PER3: variants seen among roughly 807,000 people sequenced by gnomAD.
PER3 encodes the protein period circadian regulator 3.
A neutral mutation model predicts 127.2 loss-of-function variants in PER3; 107 were observed. That is an observed-to-expected ratio of 0.84 (90% CI 0.72 to 0.99). PER3 has a LOEUF of 0.99. Among genes scored for constraint, PER3 ranks in the 50% least tolerant of loss-of-function variants. The pLI is 0.00. For missense variants in PER3, 1,560 were observed against 1,525.8 expected, an observed-to-expected ratio of 1.02 and a Z score of -0.37; for synonymous variants, 618 against 585.8, an observed-to-expected ratio of 1.05 and a Z score of -0.79.
At chr1:7,830,442 C>T (rs761286972) in intron 19 of PER3, among the ~76,000 whole-genome samples, 1 of 152,200 alleles carries the variant, frequency 6.6e-6, no homozygotes, top group Admixed American at 6.5e-5. Flanking sequence ...TTCTGTGACC[C>T]TCACCAGTCC....
At chr1:7,790,608 C>T (rs534273918) in intron 5 of PER3, among the ~76,000 whole-genome samples, 57 of 152,300 alleles carry the variant, frequency 3.7e-4, no homozygotes, top group African/African-American at 1.3e-3. Flanking sequence ...CATGCTTTTC[C>T]AACAGTCCCC....
chr1:7,805,860 A>G (rs544869812), intron 10 of PER3, among the ~76,000 whole-genome samples: 2 of 152,366 alleles, frequency 1.3e-5, no homozygotes, highest in South Asian at 4.1e-4. Context: ...ATTATGCAAC[A>G]TATAATGAAT....
intron 12 of PER3, 32 bp from the exon 13 acceptor site, chr1:7,810,406 T>C: frequency 6.6e-7 from 1 of 1,503,978 alleles, no homozygotes. Flanking sequence ...TTTATAATTT[T>C]TGAAACATAT....
Position 7,785,486 on chromosome 1 carries a change from T to A in PER3, c.174T>A (p.Val58=). ...RNRVSEELIM[V]VQEMKKYFPS... ...GAGTTTCTGAAGAACTTATCATGGT[T>A]GTCCAAGAAATGAAAAAATACTTCC... The change falls in exon 3 of 22, where the codon GTT becomes GTA. Residue 58 remains valine, a synonymous_variant. Coordinates refer to ENST00000377532, the MANE Select transcript of PER3 (RefSeq NM_001377275.1). 6.2e-7 allele frequency: 1 copy of A among 1,612,516 alleles called. No individual in the cohort carries two copies. Among genetic ancestry groups the A allele is most frequent in the Non-Finnish European group, 8.5e-7 (1 of 1,178,510 alleles).
At chr1:7,789,140 A>T (rs1158640658) in intron 5 of PER3, among the ~76,000 whole-genome samples, 3 of 133,236 alleles carry the variant, frequency 2.3e-5, no homozygotes, top group South Asian at 2.5e-4. Flanking sequence ...AGAGCTTTAA[A>T]ATATATATAT....
intron 16 of PER3, among the ~76,000 whole-genome samples, chr1:7,823,422 C>G (rs2097286779): frequency 6.6e-6 from 1 of 152,106 alleles, no homozygotes. Flanking sequence ...GCGGGCGGAT[C>G]ACCTGAGGTC....
chr1:7,787,377 G>T, intron 4 of PER3: 2 of 309,250 alleles, frequency 6.5e-6, no homozygotes, highest in South Asian at 2.8e-5. Context: ...CTTATTTTAA[G>T]TAACATAATT....
intron 19 of PER3, 44 bp downstream of exon 19, chr1:7,830,205 C>A (rs749958893): frequency 1.3e-6 from 2 of 1,501,068 alleles, no homozygotes; most frequent in Admixed American, 1.7e-5. Context: ...CAATGCCAGA[C>A]ATTCACTATG....
In PER3 at chr1:7,788,126, A is replaced by C; in HGVS notation, c.472A>C (p.Lys158Gln). Residue 158 changes from lysine (K) to glutamine (Q), a missense_variant, in exon 5 of 22, where the codon AAG (lysine) becomes CAG (glutamine). By Grantham distance (53) the Lys-to-Gln change is moderately conservative. Around this residue, in one of 3 missense-constraint regions of PER3, gnomAD observed 1,332 missense variants for 1,223.6 expected, o/e 1.09. Coordinates refer to ENST00000377532, the MANE Select transcript of PER3 (RefSeq NM_001377275.1). ...SEQAALILNR[K>Q]KDVLASSHFV... is the part of the protein sequence containing the mutation. ...ACAGGCTGCTTTGATCCTGAATCGT[A>C]AGAAAGATGTCCTGGCGTCTTCTCA... The C allele has an allele frequency of 6.2e-7, 1 of 1,613,956 alleles. No individual in the cohort carries two copies. The highest frequency in any genetic ancestry group is 8.5e-7 in the Non-Finnish European group (1 of 1,179,818).
chr1:7,803,705 AG>A lies in PER3; in HGVS notation c.996del (p.His333IlefsTer29). ...TATTTTATATAGTTTTGAAGTATGC[AG>A]GGCATCCTCCCTTTGAACATTCTCC... ...AIHQKVLKYA[G>X]HPPFEHSPIR... On this transcript the variant is annotated frameshift_variant, in exon 10 of 22. Transcript: ENST00000377532. LOFTEE classifies it high-confidence loss of function. 3 of 1,599,614 alleles carry A rather than the reference AG, an allele frequency of 1.9e-6. No individual in the cohort carries two copies. The highest frequency in any genetic ancestry group is 2.6e-6 in the Non-Finnish European group (3 of 1,167,334).
chr1:7,834,880 A>C (rs1004673714), intron 19 of PER3, among the ~76,000 whole-genome samples: 3 of 152,192 alleles, frequency 2.0e-5, no homozygotes, highest in Non-Finnish European at 4.4e-5. Flanking sequence ...GTCAGTGAGA[A>C]GGTTCTAGAA....
chr1:7,835,657 G>A lies in PER3; in HGVS notation c.3215-105G>A, dbSNP rs999466058. 2.0e-5 allele frequency: 15 copies of A among 732,580 alleles called. No homozygotes were observed. The African/African-American group carries it at 2.1e-4, about 10-fold the overall frequency. The allele number at this position is 732,580 out of a possible 1,614,324, so 45.4% of individuals were successfully genotyped here. A position where few individuals can be genotyped will look rare whatever the true frequency, so the allele number is the denominator to read the frequency against. ...TTTCCCGGAAATGATGGTTGGGCTG[G>A]CTGAGGAGGAGGACTGTCCGAGGCA... On this transcript the variant is annotated intron_variant, in intron 19 of 21. Coordinates refer to ENST00000377532, the MANE Select transcript of PER3 (RefSeq NM_001377275.1).
chr1:7,784,762 T>A lies in PER3; in HGVS notation c.-116T>A. 1 of 1,157,858 alleles carries A rather than the reference T, an allele frequency of 8.6e-7. No individual in the cohort carries two copies. Among genetic ancestry groups the A allele is most frequent in the Non-Finnish European group, 1.1e-6 (1 of 881,802 alleles). The allele number at this position is 1,157,858 out of a possible 1,614,324, so 71.7% of individuals were successfully genotyped here. On this transcript the variant is annotated 5_prime_UTR_variant, in exon 2 of 22. The change abolishes the stop of an existing upstream ORF in the 5' untranslated region. Transcript: ENST00000377532. ...GCTCGTGGTGGCCGCCTGTTCTCAC[T>A]AACGCCATGGCGGGGACCGGAGTGA... is the stretch of plus-strand genomic sequence containing the variant.
In PER3 at chr1:7,836,995, T is replaced by G; in HGVS notation, c.3399-4T>G. The G allele has an allele frequency of 6.2e-7, 1 of 1,610,048 alleles. No individual in the cohort carries two copies. The highest frequency in any genetic ancestry group is 8.5e-7 in the Non-Finnish European group (1 of 1,178,086). On this transcript the variant is annotated splice_polypyrimidine_tract_variant and splice_region_variant and intron_variant, in intron 20 of 21. Coordinates refer to ENST00000377532, the MANE Select transcript of PER3 (RefSeq NM_001377275.1). Reference sequence around the variant, plus strand: ...CTATTAAGATTCTGTTTGTTTGTTTTCAGGGTTAAAGAAGTTGTACTAAAA... The same window carrying G: ...CTATTAAGATTCTGTTTGTTTGTTTGCAGGGTTAAAGAAGTTGTACTAAAA...
At chr1:7,798,710 CAGAT>C (rs1336803981) in intron 7 of PER3, 37 bp downstream of exon 7, 5 of 1,549,498 alleles carry the variant, frequency 3.2e-6, no homozygotes, top group African/African-American at 1.4e-5. Flanking sequence ...TGTCAGCAAT[CAGAT>C]AGGAACATGG....
intron 5 of PER3, among the ~76,000 whole-genome samples, chr1:7,791,199 T>C (rs1577640530): frequency 8.6e-6 from 1 of 116,538 alleles, no homozygotes; most frequent in Non-Finnish European, 2.1e-5. Flanking sequence ...GCTCCGCCCC[T>C]GTAGCAAACT....
intron 12 of PER3, 69 bp downstream of exon 12, chr1:7,810,090 G>A: frequency 2.9e-6 from 4 of 1,401,776 alleles, no homozygotes; most frequent in Admixed American, 2.0e-5. Flanking sequence ...TCTGAATGTG[G>A]TGACATCTTA....
intron 9 of PER3, 61 bp from the exon 10 acceptor site, chr1:7,803,631 G>C: frequency 9.4e-7 from 1 of 1,059,854 alleles, no homozygotes; most frequent in Non-Finnish European, 1.4e-6. Flanking sequence ...GCTTAAAAAG[G>C]ACATTTGTAA....
rs1165705569 is a variant in PER3 at position 7,845,105 on chromosome 1, T to C, written c.*2350T>C. ...TAATTAACTCTGAATTTGTTTTTAA[T>C]CATTAGTAATATTTCAGTTGGGTAT... On this transcript the variant is annotated 3_prime_UTR_variant, in exon 22 of 22. Transcript: ENST00000377532. The C allele has an allele frequency of 6.6e-6, 1 of 152,386 alleles. No homozygotes were observed. Among genetic ancestry groups the C allele is most frequent in the Admixed American group, 6.5e-5 (1 of 15,288 alleles). The allele number at this position is 152,386 out of a possible 1,614,324, so 9.4% of individuals were successfully genotyped here.
Sources: gnomAD v4.1 joint callset for allele counts (sites outside exome capture counted in the v4.1 genomes callset) on GRCh38, gnomAD v4.1.1 for gene constraint, gnomAD v4.1.1 regional missense constraint, MANE v1.5 for transcripts, NCBI Gene and HGNC (gene_info 2026-07-23, HGNC 2026-07-21) for gene names.